Variants in L3MBTL4 observed in about 807,000 individuals in gnomAD.
L3MBTL4 encodes the protein lethal(3)malignant brain tumor-like protein 4.
L3MBTL4 carries 70 observed loss-of-function variants against 84.5 expected under a neutral mutation model. The ratio of observed to expected loss-of-function variants is 0.83; its 90% CI spans 0.68 to 1.01. L3MBTL4 has a LOEUF of 1.01. Among genes scored for constraint, L3MBTL4 ranks in the 50% least tolerant of loss-of-function variants. The pLI is 0.00. For missense variants in L3MBTL4, 715 were observed against 754.8 expected (o/e 0.95, Z 0.62); for synonymous variants, 274 against 259.8 (o/e 1.05, Z -0.52).
intron 12 of L3MBTL4, among the ~76,000 whole-genome samples, chr18:6,186,011 T>TTTA (rs2044740771): frequency 3.3e-5 from 5 of 149,598 alleles, no homozygotes; most frequent in African/African-American, 1.3e-4. Flanking sequence ...TATATTTTAT[T>TTTA]TTATTTTATT....
At chr18:6,354,023 C>T (rs955549210) in intron 1 of L3MBTL4, among the ~76,000 whole-genome samples, 5 of 152,142 alleles carry the variant, frequency 3.3e-5, no homozygotes, top group African/African-American at 1.2e-4. Flanking sequence ...TGTTACCTGA[C>T]TGCAAATTAT....
At chr18:6,408,610 A>T (rs62079209) in intron 1 of L3MBTL4, among the ~76,000 whole-genome samples, 1 of 151,988 alleles carries the variant, frequency 6.6e-6, no homozygotes, top group African/African-American at 2.4e-5. Flanking sequence ...CTGCCTCCAA[A>T]GCACTAAGGG....
intron 16 of L3MBTL4, among the ~76,000 whole-genome samples, chr18:6,062,029 A>G (rs1321248491): frequency 1.3e-5 from 2 of 152,026 alleles, no homozygotes; most frequent in Non-Finnish European, 2.9e-5. Flanking sequence ...AATTAAGACT[A>G]TAAAAAGTAA....
Position 6,023,350 on chromosome 18 carries a change from A to AT in L3MBTL4, c.1445-53789dup, listed in dbSNP as rs577443718. On this transcript the variant is annotated intron_variant, in intron 16 of 18. Coordinates refer to ENST00000317931, the MANE Select transcript of L3MBTL4 (RefSeq NM_001330559.2). ...ATGTGGAAAGATAAAAGAAAGTCCT[A>AT]TTTTTTTTAATAGTCCTTAAAACGC... 1.7e-3 allele frequency among the ~76,000 whole-genome samples: 266 copies of AT among 152,072 alleles called. 1 individual carries two copies. The highest frequency in any genetic ancestry group is 5.9e-3 in the African/African-American group (244 of 41,470).
intron 16 of L3MBTL4, among the ~76,000 whole-genome samples, chr18:6,071,819 A>AAAGAAAGAAAG (rs879865197): frequency 1.4e-4 from 18 of 124,496 alleles, no homozygotes; most frequent in African/African-American, 6.6e-4. Flanking sequence ...AAGAAAGGAA[A>AAAGAAAGAAAG]GAAAGAAAGA....
At chr18:6,382,930 G>A (rs190949798) in intron 1 of L3MBTL4, among the ~76,000 whole-genome samples, 1 of 152,272 alleles carries the variant, frequency 6.6e-6, no homozygotes, top group Admixed American at 6.5e-5. Context: ...CCTTCCCCCA[G>A]GTGCTCTGTC....
rs2056112937 is a variant in L3MBTL4, at chr18:6,414,547, G to A, written c.-91+254C>T. On this transcript the variant is annotated intron_variant, in intron 1 of 18. Transcript: ENST00000317931. The surrounding 1 kb of genome is among the most constrained non-coding windows in gnomAD (Gnocchi z 5.4). The stretch of plus-strand genomic sequence containing the variant: ...TCTGCGGCGGCCGCGCCCGTCCAAA[G>A]TAGGCGACAAGTGAGGCAGCGCCTC... 6.6e-6 allele frequency among the ~76,000 whole-genome samples: 1 copy of A among 151,934 alleles called. No individual in the cohort carries two copies. The highest frequency in any genetic ancestry group is 1.5e-5 in the Non-Finnish European group (1 of 67,940).
At chr18:6,076,937 C>T (rs2057874377) in intron 16 of L3MBTL4, among the ~76,000 whole-genome samples, 2 of 152,202 alleles carry the variant, frequency 1.3e-5, no homozygotes, top group South Asian at 2.1e-4. Flanking sequence ...GACCAAGGAG[C>T]GTCTAACGGC....
intron 16 of L3MBTL4, among the ~76,000 whole-genome samples, chr18:6,042,803 C>T (rs143914753): frequency 8.0e-4 from 122 of 152,292 alleles, no homozygotes; most frequent in African/African-American, 2.7e-3. Flanking sequence ...TCAACTGCCA[C>T]CTCTGTGCAC....
intron 16 of L3MBTL4, among the ~76,000 whole-genome samples, chr18:6,054,086 G>A (rs1181609492): frequency 6.6e-6 from 1 of 152,088 alleles, no homozygotes; most frequent in East Asian, 1.9e-4. Context: ...GCTTTTGTGT[G>A]TTTGTCCATT....
intron 1 of L3MBTL4, among the ~76,000 whole-genome samples, chr18:6,413,676 G>C (rs2056064642): frequency 6.6e-6 from 1 of 152,196 alleles, no homozygotes; most frequent in Non-Finnish European, 1.5e-5. Context: ...AAGGATCCAG[G>C]AGATGGGCCA....
At chr18:6,029,981 A>C in intron 16 of L3MBTL4, 1 of 985,476 alleles carries the variant, frequency 1.0e-6, no homozygotes, top group Non-Finnish European at 1.2e-6. Context: ...TCCTTTACAC[A>C]GCAACATGAA....
chr18:6,395,199 C>G (rs1271840235), intron 1 of L3MBTL4: 1 of 152,126 alleles, frequency 6.6e-6, no homozygotes, highest in African/African-American at 2.4e-5. Context: ...AAGTGAGACC[C>G]TGTCTCAAAA....
chr18:5,997,880 A>G (rs1354595060), intron 16 of L3MBTL4, among the ~76,000 whole-genome samples: 1 of 151,994 alleles, frequency 6.6e-6, no homozygotes, highest in African/African-American at 2.4e-5. Flanking sequence ...GTATTACTCC[A>G]CCTTATATCA....
At chr18:6,053,659 C>G (rs1363948207) in intron 16 of L3MBTL4, among the ~76,000 whole-genome samples, 1 of 152,164 alleles carries the variant, frequency 6.6e-6, no homozygotes, top group Non-Finnish European at 1.5e-5. Flanking sequence ...CCTCCTTTCC[C>G]CTTTAAAAAC....
chr18:6,226,364 C>T (rs1335941370), intron 10 of L3MBTL4, among the ~76,000 whole-genome samples: 1 of 152,072 alleles, frequency 6.6e-6, no homozygotes, highest in Non-Finnish European at 1.5e-5. Context: ...CTAGATCGCA[C>T]CATTGCACTC....
At chr18:6,108,657 G>A (rs1018786362) in intron 14 of L3MBTL4, among the ~76,000 whole-genome samples, 2 of 152,086 alleles carry the variant, frequency 1.3e-5, no homozygotes, top group Admixed American at 6.5e-5. Flanking sequence ...GAGCTCAGAA[G>A]CACTAGCTCA....
intron 11 of L3MBTL4, among the ~76,000 whole-genome samples, chr18:6,214,533 G>A (rs2145813509): frequency 6.6e-6 from 1 of 152,234 alleles, no homozygotes; most frequent in Admixed American, 6.5e-5. Context: ...AATGGCAAAA[G>A]GAAAATAAAA....
chr18:6,368,471 G>A (rs1400647294), intron 1 of L3MBTL4, among the ~76,000 whole-genome samples: 2 of 152,178 alleles, frequency 1.3e-5, no homozygotes, highest in Non-Finnish European at 2.9e-5. Flanking sequence ...GCTGCTGAGT[G>A]TGTGCTTACT....
Sources: gnomAD v4.1 joint callset for allele counts (sites outside exome capture counted in the v4.1 genomes callset) on GRCh38, gnomAD v4.1.1 for gene constraint, Gnocchi (gnomAD v3.1) non-coding constraint, MANE v1.5 for transcripts, NCBI Gene and HGNC (gene_info 2026-07-23, HGNC 2026-07-21) for gene names.